The following C14orf39 variants were observed in gnomAD, a reference collection of about 807,000 sequenced individuals.
C14orf39 encodes the protein chromosome 14 open reading frame 39.
Under a neutral mutation model 85.6 loss-of-function variants are expected in C14orf39, and 66 were observed. The ratio of observed to expected loss-of-function variants is 0.77; its 90% CI spans 0.63 to 0.95. The LOEUF is 0.95. Among genes scored for constraint, C14orf39 ranks in the 40% least tolerant of loss-of-function variants. The pLI, the probability that C14orf39 is intolerant of heterozygous loss-of-function variation, is 0.00. For missense variants in C14orf39, 735 were observed against 663.9 expected (o/e 1.11, Z -1.18); for synonymous variants, 242 against 214.0 (o/e 1.13, Z -1.14).
chr14:60,509,479 G>A, intron 1 of C14orf39: 9 of 1,601,384 alleles, frequency 5.6e-6, no homozygotes, highest in Non-Finnish European at 7.6e-6. Flanking sequence ...GCGGCGATGT[G>A]GAGCGCCTGG....
rs1308889698 is a variant in C14orf39 at position 60,496,362 on chromosome 14, C to T, written c.-9+2934G>A. 8.8e-6 allele frequency: 3 copies of T among 342,334 alleles called. No homozygotes were observed. The East Asian group carries it at 2.1e-4, about 24-fold the overall frequency. The allele number at this position is 342,334 out of a possible 1,614,324, so 21.2% of individuals were successfully genotyped here. On this transcript the variant is annotated intron_variant, in intron 2 of 5. Transcript: ENST00000556799. ...GCCTGAAGAGTCACATTTGTGTTGGCCACTTTCCCTTTGGGTAAATAGCTT... is the reference window on the plus strand; with the variant it reads ...GCCTGAAGAGTCACATTTGTGTTGGTCACTTTCCCTTTGGGTAAATAGCTT...
intron 10 of C14orf39, 48 bp downstream of exon 10, chr14:60,466,869 G>A: frequency 7.2e-7 from 1 of 1,396,868 alleles, no homozygotes; most frequent in Non-Finnish European, 9.4e-7. Context: ...TTTCTTCTGT[G>A]TGTTTGCAAA....
intron 16 of C14orf39, among the ~76,000 whole-genome samples, chr14:60,453,022 T>C (rs904051559): frequency 6.6e-6 from 1 of 152,234 alleles, no homozygotes; most frequent in Admixed American, 6.5e-5. Context: ...GAAAAGAATA[T>C]ATATGCTGCA....
intron 1 of C14orf39, chr14:60,509,270 C>G (rs1261849669): frequency 1.2e-6 from 1 of 818,266 alleles, no homozygotes; most frequent in Non-Finnish European, 2.0e-6. Flanking sequence ...CCGCCGCCAC[C>G]CGGTAGTGTG....
At chr14:60,512,555 A>C (rs1397079415) in intron 1 of C14orf39, 2 of 152,252 alleles carry the variant, frequency 1.3e-5, no homozygotes. Context: ...AGGGTAAAAC[A>C]AGGCTGTAGA....
At chr14:60,514,491 C>CA (rs1013789998) in intron 1 of C14orf39, among the ~76,000 whole-genome samples, 7 of 150,268 alleles carry the variant, frequency 4.7e-5, no homozygotes, top group African/African-American at 1.7e-4. Context: ...CCAGTTTCAC[C>CA]AAAAAAAACG....
intron 1 of C14orf39, chr14:60,511,544 A>C: frequency 1.8e-6 from 1 of 550,428 alleles, no homozygotes; most frequent in South Asian, 2.1e-5. Context: ...CGGAACCCGA[A>C]CTGCAAGCTG....
chr14:60,453,083 G>A (rs1433153947), intron 16 of C14orf39, among the ~76,000 whole-genome samples: 1 of 152,050 alleles, frequency 6.6e-6, no homozygotes, highest in Non-Finnish European at 1.5e-5. Context: ...GGTGATTGAT[G>A]ATGTTATTCA....
rs1893293570 is a variant in C14orf39, at chr14:60,511,443, C to G, written c.-144+3952G>C. On this transcript the variant is annotated intron_variant, in intron 1 of 5. Coordinates refer to the C14orf39 transcript ENST00000556799. ...CCTGGCTTCACTGGCGCCCTTTGGC[C>G]GCGACCACGGGAACCAGCGGTGAGG... is the stretch of plus-strand genomic sequence containing the variant. 1.9e-5 allele frequency: 13 copies of G among 680,686 alleles called. No individual in the cohort carries two copies. The East Asian group carries it at 3.5e-4, about 18-fold the overall frequency. The allele number at this position is 680,686 out of a possible 1,614,324, so 42.2% of individuals were successfully genotyped here.
At chr14:60,507,279 T>C (rs1369040516) in intron 1 of C14orf39, among the ~76,000 whole-genome samples, 1 of 152,144 alleles carries the variant, frequency 6.6e-6, no homozygotes, top group Non-Finnish European at 1.5e-5. Context: ...CGGGTCCGGC[T>C]TCATCCCTGC....
intron 1 of C14orf39, chr14:60,509,591 G>A (rs1180981020): frequency 1.9e-5 from 31 of 1,613,220 alleles, no homozygotes; most frequent in Non-Finnish European, 2.5e-5. Context: ...CTTTCACGGT[G>A]GCAACTACCG....
chr14:60,485,072 C>T lies in C14orf39; in HGVS notation c.7G>A (p.Asp3Asn), dbSNP rs142135991. MN[D>N]SLFVSLDRLL... Reference sequence around the variant, plus strand: ...CTGTCCAAACTGACAAACAGGCTGTCATTCATCTTGGATACTATGTTAAAT... The same window carrying T: ...CTGTCCAAACTGACAAACAGGCTGTTATTCATCTTGGATACTATGTTAAAT... The change falls in exon 2 of 18, where the codon GAC (aspartate) becomes AAC (asparagine). Residue 3 changes from aspartate to asparagine, a missense_variant. Transcript: ENST00000321731. The T allele has an allele frequency of 9.6e-4, 1,541 of 1,608,438 alleles. 4 individuals are homozygous for T. Among genetic ancestry groups the T allele is most frequent in the Non-Finnish European group, 1.2e-3 (1,358 of 1,178,858 alleles).
intron 16 of C14orf39, among the ~76,000 whole-genome samples, chr14:60,447,771 T>C (rs1890842181): frequency 6.6e-6 from 1 of 152,158 alleles, no homozygotes; most frequent in Admixed American, 6.6e-5. Flanking sequence ...GCTGGAGGCA[T>C]CACACTACCT....
At position 60,498,951 on chromosome 14, in the gene C14orf39, G is replaced by T. The variant is rs116424491; in HGVS notation, c.-9+345C>A. On this transcript the variant is annotated intron_variant, in intron 2 of 5. Transcript: ENST00000556799. ...AGAAAATATCCACAGAACAGCCAAA[G>T]AATTTTCTTAAAAATATTACTGAAG... Among the ~76,000 whole-genome samples, 1,382 of 152,182 alleles carry T rather than the reference G, an allele frequency of 9.1e-3. 23 individuals are homozygous for T. The highest frequency in any genetic ancestry group is 0.032 in the African/African-American group (1,325 of 41,516).
chr14:60,488,335 T>C (rs1288465130), upstream of C14orf39, among the ~76,000 whole-genome samples: 1 of 152,188 alleles, frequency 6.6e-6, no homozygotes, highest in Non-Finnish European at 1.5e-5. Flanking sequence ...TCTTATTCCA[T>C]TCCAAAATTT....
At chr14:60,471,762 T>C (rs1352646155) in intron 5 of C14orf39, 23 bp from the exon 6 acceptor site, 5 of 1,370,502 alleles carry the variant, frequency 3.6e-6, no homozygotes, top group Admixed American at 2.3e-5. Flanking sequence ...AAAGAAATGA[T>C]GTTTATATAA....
rs539629228 is a variant in C14orf39, at chr14:60,439,313, A to T, written c.1562-2266T>A. ...CAGTGACATGGCCAACATTATGGGCACTGAAGATTAATTAAGCTGTGATCT... is the reference window on the plus strand; with the variant it reads ...CAGTGACATGGCCAACATTATGGGCTCTGAAGATTAATTAAGCTGTGATCT... On this transcript the variant is annotated intron_variant, in intron 17 of 17. Transcript: ENST00000321731. Among the ~76,000 whole-genome samples, 3 of 152,338 alleles carry T rather than the reference A, an allele frequency of 2.0e-5. No individual in the cohort carries two copies. In the East Asian group the frequency reaches 5.8e-4, roughly 29 times the overall value.
At chr14:60,460,887 GA>G (rs892722507) in intron 13 of C14orf39, among the ~76,000 whole-genome samples, 1 of 150,342 alleles carries the variant, frequency 6.7e-6, no homozygotes, top group African/African-American at 2.4e-5. Flanking sequence ...TAAAAGAACT[GA>G]AAAAAAACCA....
Position 60,509,692 on chromosome 14 carries a change from G to A in C14orf39, c.-144+5703C>T, listed in dbSNP as rs143371520. 2.1e-4 allele frequency: 339 copies of A among 1,614,014 alleles called. No homozygotes were observed. The highest frequency in any genetic ancestry group is 2.7e-4 in the Non-Finnish European group (314 of 1,180,046). ...TGTGGCTTGAAGCACACTACCAGGA[G>A]GCTGAGAAGCTGCGTGGAAGACCCC... is the stretch of plus-strand genomic sequence containing the variant. On this transcript the variant is annotated intron_variant, in intron 1 of 5. Transcript: ENST00000556799.
Sources: allele counts gnomAD v4.1 joint callset (sites outside exome capture counted in the v4.1 genomes callset), GRCh38; gene constraint gnomAD v4.1.1; transcripts MANE v1.5; gene names NCBI Gene and HGNC (gene_info 2026-07-23, HGNC 2026-07-21).